The following SMAD9 variants were observed in gnomAD, a reference collection of about 807,000 sequenced individuals.
SMAD9 encodes the protein MAD homolog 9.
SMAD9 carries 36 observed loss-of-function variants against 46.1 expected under a neutral mutation model. That is an observed-to-expected ratio of 0.78 (90% confidence interval 0.60 to 1.03). SMAD9 has a LOEUF of 1.03. SMAD9 is among the 50% of genes least tolerant of loss of function. SMAD9 has a pLI of 0.00. For synonymous variants in SMAD9, 245 were observed against 237.1 expected (o/e 1.03, Z -0.31); for missense variants, 572 against 599.8 (o/e 0.95, Z 0.48).
intron 1 of SMAD9, among the ~76,000 whole-genome samples, chr13:36,891,984 C>G (rs1318942507): frequency 6.6e-6 from 1 of 152,138 alleles, no homozygotes; most frequent in Non-Finnish European, 1.5e-5. Flanking sequence ...AGGGTGAGCT[C>G]ATCCATTGTA....
intron 1 of SMAD9, among the ~76,000 whole-genome samples, chr13:36,882,217 C>T (rs1413878955): frequency 7.4e-6 from 1 of 134,926 alleles, no homozygotes; most frequent in Non-Finnish European, 1.6e-5. Context: ...TTTTCATTCA[C>T]AGGTATGTGC....
intron 1 of SMAD9, among the ~76,000 whole-genome samples, chr13:36,906,722 T>C (rs2138669389): frequency 6.6e-6 from 1 of 152,320 alleles, no homozygotes; most frequent in South Asian, 2.1e-4. Context: ...CCCACTAGGA[T>C]GGCTCTTGTT....
At chr13:36,892,693 A>G (rs959863648) in intron 1 of SMAD9, among the ~76,000 whole-genome samples, 4 of 152,216 alleles carry the variant, frequency 2.6e-5, no homozygotes, top group African/African-American at 7.2e-5. Flanking sequence ...TAGATAACTT[A>G]TCAGTGATGC....
intron 1 of SMAD9, among the ~76,000 whole-genome samples, chr13:36,894,130 C>A (rs189774875): frequency 4.7e-4 from 71 of 152,196 alleles, no homozygotes; most frequent in African/African-American, 1.6e-3. Context: ...ATGTTAAGAA[C>A]AGTATTTATT....
intron 5 of SMAD9, 120 bp from the exon 6 acceptor site, chr13:36,853,795 T>C: frequency 3.1e-6 from 3 of 959,434 alleles, no homozygotes; most frequent in Non-Finnish European, 4.9e-6. Context: ...ACTGATCAGA[T>C]GAATGAGATG....
intron 1 of SMAD9, among the ~76,000 whole-genome samples, chr13:36,882,294 T>C (rs964661609): frequency 1.3e-5 from 2 of 151,070 alleles, no homozygotes; most frequent in Non-Finnish European, 2.9e-5. Flanking sequence ...AGGGTTACAA[T>C]GGAAAATTTA....
intron 1 of SMAD9, among the ~76,000 whole-genome samples, chr13:36,898,998 GAACA>G (rs1259823044): frequency 6.6e-6 from 1 of 151,914 alleles, no homozygotes; most frequent in Non-Finnish European, 1.5e-5. Context: ...GCAACAGAAA[GAACA>G]AAGTAAGGAA....
At chr13:36,856,540 GA>G (rs1484886265) in intron 5 of SMAD9, among the ~76,000 whole-genome samples, 2 of 152,186 alleles carry the variant, frequency 1.3e-5, no homozygotes, top group East Asian at 3.9e-4. Context: ...GAAAAGGGTG[GA>G]ACCCAGCCTC....
upstream of SMAD9, among the ~76,000 whole-genome samples, chr13:36,920,426 T>G (rs1318075062): frequency 6.6e-6 from 1 of 151,336 alleles, no homozygotes; most frequent in Non-Finnish European, 1.5e-5. Context: ...GCGCGGAAAC[T>G]CGCGGCGCGG....
intron 2 of SMAD9, among the ~76,000 whole-genome samples, chr13:36,874,854 CAAAAAAAAAAAA>C (rs529721275): frequency 1.2e-4 from 8 of 66,066 alleles, no homozygotes; most frequent in African/African-American, 3.1e-4. Context: ...GACTCCGTCC[CAAAAAAAAAAAA>C]AAAAAAAAAA....
intron 1 of SMAD9, among the ~76,000 whole-genome samples, chr13:36,888,233 A>G (rs928806919): frequency 2.6e-5 from 4 of 152,146 alleles, no homozygotes; most frequent in Admixed American, 1.3e-4. Context: ...AGGTGATTAG[A>G]TCATGGGGGA....
chr13:36,869,491 G>T (rs946489236), intron 3 of SMAD9, among the ~76,000 whole-genome samples: 1 of 151,988 alleles, frequency 6.6e-6, no homozygotes, highest in Non-Finnish European at 1.5e-5. Flanking sequence ...CAAAGTGCTG[G>T]GATTACAGGC....
In SMAD9 at chr13:36,865,762, GAAGAAAACA is replaced by G. The variant is rs773335732; in HGVS notation, c.782-13_782-5del. The G allele has an allele frequency of 6.2e-7, 1 of 1,612,458 alleles. No homozygotes were observed. Among genetic ancestry groups the G allele is most frequent in the African/African-American group, 1.3e-5 (1 of 74,884 alleles). On this transcript the variant is annotated splice_region_variant and splice_polypyrimidine_tract_variant and intron_variant, in intron 4 of 6. Transcript: ENST00000379826. ...TCGTAACAAACTGGTCGAAAGTCTGGAAGAAAACAAACCAGAGAACACATGGCTACTGTC... is the reference window on the plus strand; with the variant it reads ...TCGTAACAAACTGGTCGAAAGTCTGGAACCAGAGAACACATGGCTACTGTC...
Position 36,848,761 on chromosome 13 carries a change from A to G in SMAD9, c.1319T>C (p.Ile440Thr). The change falls in exon 7 of 7, where the codon ATT becomes ACT. Residue 440 changes from isoleucine (I) to threonine (T), a missense_variant. Coordinates refer to ENST00000379826, the MANE Select transcript of SMAD9 (RefSeq NM_001127217.3). ...CCACTGCAGTGGCCCATGAAGATGA[A>G]TCTCAATCCAGCAGGGGGTGCTGGT... The part of the protein sequence containing the change: ...DVTSTPCWIE[I>T]HLHGPLQWLD... The G allele has an allele frequency of 6.2e-7, 1 of 1,613,998 alleles. No individual in the cohort carries two copies. Among genetic ancestry groups the G allele is most frequent in the Non-Finnish European group, 8.5e-7 (1 of 1,179,898 alleles).
intron 1 of SMAD9, among the ~76,000 whole-genome samples, chr13:36,889,027 T>C (rs570933346): frequency 1.3e-5 from 2 of 152,130 alleles, no homozygotes; most frequent in Non-Finnish European, 2.9e-5. Context: ...AAAATCACAA[T>C]AGGAAATTGA....
chr13:36,863,837 CA>C (rs1460703191), intron 5 of SMAD9, among the ~76,000 whole-genome samples: 1 of 152,180 alleles, frequency 6.6e-6, no homozygotes, highest in East Asian at 1.9e-4. Flanking sequence ...ACCCATGGGC[CA>C]AATAAACCTC....
intron 5 of SMAD9, among the ~76,000 whole-genome samples, chr13:36,863,696 A>C (rs2058205356): frequency 6.6e-6 from 1 of 152,114 alleles, no homozygotes; most frequent in African/African-American, 2.4e-5. Context: ...TGTTAAAAAG[A>C]GACCAGCACC....
intron 3 of SMAD9, among the ~76,000 whole-genome samples, chr13:36,869,170 A>C (rs911764924): frequency 6.6e-6 from 1 of 152,018 alleles, no homozygotes. Context: ...GTGATGAAAA[A>C]ATTTTTGAAA....
intron 1 of SMAD9, among the ~76,000 whole-genome samples, chr13:36,897,792 C>G (rs1487142554): frequency 6.0e-5 from 9 of 150,190 alleles, no homozygotes; most frequent in Admixed American, 4.0e-4. Context: ...TTACAAGGAG[C>G]TATTTACCCA....
Sources: gnomAD v4.1 joint callset for allele counts (sites outside exome capture counted in the v4.1 genomes callset) on GRCh38, gnomAD v4.1.1 for gene constraint, MANE v1.5 for transcripts, NCBI Gene and HGNC (gene_info 2026-07-23, HGNC 2026-07-21) for gene names.